RNF128: variants seen among roughly 807,000 people sequenced by gnomAD.
RNF128 encodes the protein E3 ubiquitin-protein ligase RNF128.
A neutral mutation model predicts 26.2 loss-of-function variants in RNF128; 13 were observed. The observed-to-expected ratio is 0.50, with a 90% CI of 0.32 to 0.79. The LOEUF is 0.79. Ranked by LOEUF, RNF128 falls within the 30% of genes least tolerant of loss-of-function variation. RNF128 has a pLI of 0.03. For synonymous variants in RNF128, 149 were observed against 142.5 expected (o/e 1.05, Z -0.32); for missense variants, 315 against 349.7 (o/e 0.90, Z 0.79).
chrX:106,749,133 C>A (rs1929837955), intron 1 of RNF128, among the ~76,000 whole-genome samples: 1 of 111,799 alleles, frequency 8.9e-6, no homozygotes, highest in Admixed American at 9.5e-5. Flanking sequence ...AGAAAAGCTT[C>A]TGGTCCTGTG....
intron 1 of RNF128, among the ~76,000 whole-genome samples, chrX:106,704,410 C>A (rs1380978694): frequency 2.3e-5 from 2 of 85,433 alleles, no homozygotes; most frequent in South Asian, 6.5e-4. Flanking sequence ...CCAGCCTGGG[C>A]GACAGAGCGA....
intron 1 of RNF128, among the ~76,000 whole-genome samples, chrX:106,771,857 G>A (rs1005823855): frequency 8.9e-6 from 1 of 112,299 alleles, no homozygotes; most frequent in Non-Finnish European, 1.9e-5. Context: ...GTTCCTATTC[G>A]GCCATCTTGG....
Position 106,740,026 on chromosome X carries a change from C to G in RNF128, c.484+12629C>G, listed in dbSNP as rs1219250208. ...ACAAATGCAATTTCCAACCCAATCCCCATATTAAAAACTATACCTGAAGAG... is the reference window on the plus strand; with the variant it reads ...ACAAATGCAATTTCCAACCCAATCCGCATATTAAAAACTATACCTGAAGAG... On this transcript the variant is annotated intron_variant, in intron 1 of 6. Transcript: ENST00000255499. 2.7e-5 allele frequency among the ~76,000 whole-genome samples: 3 copies of G among 111,504 alleles called. No individual in the cohort carries two copies. In the East Asian group the frequency reaches 8.4e-4, roughly 31 times the overall value.
chrX:106,710,746 C>CAAAA (rs11326354), intron 1 of RNF128, among the ~76,000 whole-genome samples: 8 of 35,203 alleles, frequency 2.3e-4, no homozygotes, highest in Admixed American at 4.5e-4. Context: ...GAAAGTCTGT[C>CAAAA]AAAAAAAAAA....
chrX:106,755,444 A>C (rs949054669), intron 1 of RNF128, among the ~76,000 whole-genome samples: 1 of 110,976 alleles, frequency 9.0e-6, no homozygotes, highest in Admixed American at 9.6e-5. Context: ...AAACCAGACA[A>C]AGACATATCG....
chrX:106,749,194 G>A (rs745400434), intron 1 of RNF128, among the ~76,000 whole-genome samples: 8 of 111,758 alleles, frequency 7.2e-5, no homozygotes, highest in Non-Finnish European at 1.5e-4. Flanking sequence ...ACTGAAAATC[G>A]GGAGATTAAA....
chrX:106,697,876 T>C (rs2063233919), intron 1 of RNF128, among the ~76,000 whole-genome samples: 1 of 109,359 alleles, frequency 9.1e-6, no homozygotes, highest in Admixed American at 9.9e-5. Flanking sequence ...GAGTTCTCCT[T>C]TGGGTTATAT....
At chrX:106,738,484 G>C (rs1298703273) in intron 1 of RNF128, among the ~76,000 whole-genome samples, 1 of 111,662 alleles carries the variant, frequency 9.0e-6, no homozygotes, top group African/African-American at 3.2e-5. Flanking sequence ...CAATTTTTCT[G>C]GGCAGTTCCT....
chrX:106,710,495 C>T (rs764144586), intron 1 of RNF128, among the ~76,000 whole-genome samples: 45 of 111,560 alleles, frequency 4.0e-4, no homozygotes, highest in Non-Finnish European at 7.2e-4. Context: ...CTGTGAATCA[C>T]GCCTGTAATC....
At chrX:106,776,217 C>T (rs1166823167) in intron 2 of RNF128, among the ~76,000 whole-genome samples, 2 of 111,882 alleles carry the variant, frequency 1.8e-5, no homozygotes, top group African/African-American at 6.5e-5. Flanking sequence ...GCATGGAGTA[C>T]CAAACATTTT....
chrX:106,763,210 A>G (rs888541075), intron 1 of RNF128, among the ~76,000 whole-genome samples: 1 of 110,026 alleles, frequency 9.1e-6, no homozygotes, highest in African/African-American at 3.3e-5. Flanking sequence ...TTACTGTAAT[A>G]GTTTCAGTAC....
In RNF128 at chrX:106,727,023, G is replaced by A; in HGVS notation, c.110G>A (p.Arg37Gln). ...CTGAGTCCGCAGGCACCCGGTTCCC[G>A]GGGGGCTGAAGCAGTGTGGACCGCG... ...LALSPQAPGS[R>Q]GAEAVWTAYL... Residue 37 changes from arginine (R) to glutamine (Q), a missense_variant, in exon 1 of 7, where the codon CGG becomes CAG. Arg to Gln is a conservative substitution (Grantham distance 43). Coordinates refer to ENST00000255499, the MANE Select transcript of RNF128 (RefSeq NM_194463.2). 8.3e-7 allele frequency: 1 copy of A among 1,205,589 alleles called. No homozygotes were observed. Among genetic ancestry groups the A allele is most frequent in the Non-Finnish European group, 1.1e-6 (1 of 892,924 alleles).
At chrX:106,712,162 A>AT (rs1264675058) in intron 1 of RNF128, among the ~76,000 whole-genome samples, 1 of 112,217 alleles carries the variant, frequency 8.9e-6, no homozygotes, top group Non-Finnish European at 1.9e-5. Flanking sequence ...GAATGCCTGC[A>AT]TAAAACAGAA....
chrX:106,752,430 T>C (rs1177966133), intron 1 of RNF128, among the ~76,000 whole-genome samples: 2 of 112,400 alleles, frequency 1.8e-5, no homozygotes, highest in Non-Finnish European at 3.8e-5. Context: ...CTCCTAGATA[T>C]TACCCAAGAC....
chrX:106,770,243 G>T (rs967080803), intron 1 of RNF128, among the ~76,000 whole-genome samples: 1 of 111,109 alleles, frequency 9.0e-6, no homozygotes, highest in African/African-American at 3.3e-5. Flanking sequence ...TCTTCTCAAG[G>T]AGTATCTTTG....
At position 106,791,149 on chromosome X, in the gene RNF128, T is replaced by C. The variant is rs368494859; in HGVS notation, c.1068T>C (p.Asp356=). The change falls in exon 6 of 7, where the codon GAT becomes GAC. Residue 356 remains aspartate, a synonymous_variant. Transcript: ENST00000255499. ...ISNSASSHEE[D]NRSETASSGY... is the part of the protein sequence containing the mutation. Reference sequence around the variant, plus strand: ...ATAGTGCCTCCTCCCATGAAGAGGATAATCGCAGCGAGACCGCATCATCTG... The same window carrying C: ...ATAGTGCCTCCTCCCATGAAGAGGACAATCGCAGCGAGACCGCATCATCTG... The C allele has an allele frequency of 8.3e-7, 1 of 1,206,958 alleles. No homozygotes were observed. Among genetic ancestry groups the C allele is most frequent in the African/African-American group, 1.8e-5 (1 of 56,874 alleles).
intron 1 of RNF128, among the ~76,000 whole-genome samples, chrX:106,699,651 A>G (rs1302413561): frequency 8.9e-6 from 1 of 111,862 alleles, no homozygotes; most frequent in Admixed American, 9.5e-5. Context: ...GTGACTTTCC[A>G]TTGTTCTTCA....
At chrX:106,694,504 T>A in intron 1 of RNF128, 1 of 607,163 alleles carries the variant, frequency 1.6e-6, no homozygotes, top group Non-Finnish European at 2.3e-6. Flanking sequence ...AACAAGGTTG[T>A]AAAATAATTT....
Position 106,792,944 on chromosome X carries a change from A to G in RNF128, c.1153+1710A>G, listed in dbSNP as rs191687397. Among the ~76,000 whole-genome samples, 4 of 112,265 alleles carry G rather than the reference A, an allele frequency of 3.6e-5. No individual in the cohort carries two copies. In the East Asian group the frequency reaches 1.1e-3, roughly 31 times the overall value. ...GGGATTACATATTACTAGTTTAAGA[A>G]TCTTGCGTATTAGCCATTGATTCTT... On this transcript the variant is annotated intron_variant, in intron 6 of 6. Transcript: ENST00000255499.
Sources: gnomAD v4.1 joint callset for allele counts (sites outside exome capture counted in the v4.1 genomes callset) on GRCh38, gnomAD v4.1.1 for gene constraint, MANE v1.5 for transcripts, NCBI Gene and HGNC (gene_info 2026-07-23, HGNC 2026-07-21) for gene names.